Variants in CENPP observed in about 807,000 individuals in gnomAD.
CENPP encodes the protein centromere protein P.
In CENPP, 24 loss-of-function variants were observed where a neutral mutation model predicts 35.6. The observed-to-expected ratio is 0.67, with a 90% CI of 0.49 to 0.95. The LOEUF (loss-of-function observed/expected upper bound fraction) is 0.95. Among genes scored for constraint, CENPP ranks in the 40% least tolerant of loss-of-function variants. The pLI is 0.00. For missense variants in CENPP, 332 were observed against 345.3 expected (o/e 0.96, Z 0.31); for synonymous variants, 120 against 125.5 (o/e 0.96, Z 0.29).
chr9:92,566,663 G>T (rs929362201), intron 5 of CENPP, among the ~76,000 whole-genome samples: 2 of 152,188 alleles, frequency 1.3e-5, no homozygotes, highest in Non-Finnish European at 2.9e-5. Context: ...CAATGGAAAT[G>T]ATCAATTCTT....
Position 92,616,100 on chromosome 9 carries a change from T to A in CENPP, c.*2951T>A. Reference sequence around the variant, plus strand: ...CATTTCAGGATACACAAGCCCCCCATTCATTTCCCTCCCTCCCGTTCTCTC... The same window carrying A: ...CATTTCAGGATACACAAGCCCCCCAATCATTTCCCTCCCTCCCGTTCTCTC... On this transcript the variant is annotated 3_prime_UTR_variant, in exon 8 of 8. Coordinates refer to ENST00000375587, the MANE Select transcript of CENPP (RefSeq NM_001012267.3). 3.0e-6 allele frequency: 4 copies of A among 1,355,906 alleles called. No homozygotes were observed. Among genetic ancestry groups the A allele is most frequent in the Non-Finnish European group, 4.2e-6 (4 of 960,044 alleles). The allele number at this position is 1,355,906 out of a possible 1,614,324, so 84.0% of individuals were successfully genotyped here.
chr9:92,479,558 C>T (rs1588166569), intron 5 of CENPP, among the ~76,000 whole-genome samples: 1 of 152,106 alleles, frequency 6.6e-6, no homozygotes, highest in African/African-American at 2.4e-5. Context: ...ATCCACCCTG[C>T]TTGAATAGCT....
At chr9:92,596,332 T>C (rs114502095) in intron 5 of CENPP, among the ~76,000 whole-genome samples, 5,777 of 150,348 alleles carry the variant, frequency 0.038, 153 homozygotes, top group Middle Eastern at 0.078. Context: ...GGTCTCACTA[T>C]GTTGCCCAGA....
intron 5 of CENPP, among the ~76,000 whole-genome samples, chr9:92,435,489 T>C (rs769096527): frequency 5.9e-5 from 9 of 152,128 alleles, no homozygotes; most frequent in South Asian, 2.1e-4. Context: ...GATATTGAGG[T>C]TGAGATAGTA....
intron 5 of CENPP, chr9:92,417,468 A>G (rs903563537): frequency 6.2e-7 from 1 of 1,613,992 alleles, no homozygotes; most frequent in Middle Eastern, 1.7e-4. Context: ...TCTTGGTCAT[A>G]GTCTTCATCC....
chr9:92,511,886 G>A, intron 5 of CENPP: 1 of 636,036 alleles, frequency 1.6e-6, no homozygotes, highest in South Asian at 2.2e-5. Context: ...CATCAGAGAG[G>A]AAACTTTCTT....
At chr9:92,548,412 C>CAATTAGGG (rs1849518365) in intron 5 of CENPP, among the ~76,000 whole-genome samples, 1 of 152,138 alleles carries the variant, frequency 6.6e-6, no homozygotes, top group Non-Finnish European at 1.5e-5. Flanking sequence ...GTGAGAGTCC[C>CAATTAGGG]AATTAGGGGG....
chr9:92,539,775 A>G (rs1319828245), intron 5 of CENPP, among the ~76,000 whole-genome samples: 3 of 152,180 alleles, frequency 2.0e-5, no homozygotes, highest in African/African-American at 7.2e-5. Flanking sequence ...AGCTGAACTT[A>G]CTTTCCCAAT....
chr9:92,568,841 A>G (rs1385454891), intron 5 of CENPP, among the ~76,000 whole-genome samples: 1 of 152,174 alleles, frequency 6.6e-6, no homozygotes, highest in Non-Finnish European at 1.5e-5. Flanking sequence ...GCCAGTGATG[A>G]TGAGCATTTT....
Position 92,618,433 on chromosome 9 carries a change from G to A in CENPP, c.*5284G>A, listed in dbSNP as rs1377058075. ...AAGAGATTCCCAGGTGCTAGACGAG[G>A]TGAGTAACATGTCTGTCCTTCAGCG... On this transcript the variant is annotated 3_prime_UTR_variant, in exon 8 of 8. Coordinates refer to ENST00000375587, the MANE Select transcript of CENPP (RefSeq NM_001012267.3). 2.2e-6 allele frequency: 1 copy of A among 456,692 alleles called. No homozygotes were observed. Among genetic ancestry groups the A allele is most frequent in the South Asian group, 1.5e-5 (1 of 64,566 alleles). 28.3% of individuals were successfully genotyped at this position (456,692 alleles called of 1,614,324 possible). A position where few individuals can be genotyped will look rare whatever the true frequency, so the allele number is the denominator to read the frequency against.
At chr9:92,337,954 A>G (rs1293060966) in intron 3 of CENPP, among the ~76,000 whole-genome samples, 1 of 152,194 alleles carries the variant, frequency 6.6e-6, no homozygotes, top group East Asian at 1.9e-4. Context: ...TATGCCAGCC[A>G]TCTAATATCT....
At chr9:92,482,541 G>A (rs956490535) in intron 5 of CENPP, 2 of 152,070 alleles carry the variant, frequency 1.3e-5, no homozygotes, top group Non-Finnish European at 2.9e-5. Flanking sequence ...CTGCTCATGT[G>A]TTTTCCATCA....
intron 5 of CENPP, among the ~76,000 whole-genome samples, chr9:92,408,281 G>T (rs1417896829): frequency 6.6e-6 from 1 of 152,114 alleles, no homozygotes; most frequent in South Asian, 2.1e-4. Context: ...CGCCTCCCGG[G>T]TTTAAGCAAT....
At chr9:92,392,806 A>C (rs1465544098) in intron 5 of CENPP, among the ~76,000 whole-genome samples, 1 of 152,164 alleles carries the variant, frequency 6.6e-6, no homozygotes, top group Non-Finnish European at 1.5e-5. Context: ...GAAGCAAGGG[A>C]TCTTGAAGTA....
chr9:92,428,993 C>A (rs1564315764), intron 5 of CENPP, among the ~76,000 whole-genome samples: 1 of 152,020 alleles, frequency 6.6e-6, no homozygotes. Flanking sequence ...TTAGCTAACT[C>A]TTATCTTTAA....
chr9:92,327,870 CT>C (rs1840615723), intron 1 of CENPP, among the ~76,000 whole-genome samples: 1 of 152,156 alleles, frequency 6.6e-6, no homozygotes, highest in South Asian at 2.1e-4. Context: ...TGACTTAACC[CT>C]TGCCTGGCAT....
At chr9:92,340,041 A>G (rs1360062806) in intron 3 of CENPP, 1 of 153,770 alleles carries the variant, frequency 6.5e-6, no homozygotes. Context: ...GTCCACTACC[A>G]TCTCCGAAAA....
chr9:92,472,207 A>G (rs1216191371), intron 5 of CENPP, among the ~76,000 whole-genome samples: 4 of 152,050 alleles, frequency 2.6e-5, no homozygotes, highest in Non-Finnish European at 5.9e-5. Context: ...GAATACAAAA[A>G]TTAGCTGGGC....
At chr9:92,383,263 C>T (rs868495892) in intron 5 of CENPP, among the ~76,000 whole-genome samples, 1 of 152,058 alleles carries the variant, frequency 6.6e-6, no homozygotes, top group African/African-American at 2.4e-5. Flanking sequence ...AGTCTTCTAT[C>T]TTTATTCTTA....
Sources: allele counts gnomAD v4.1 joint callset (sites outside exome capture counted in the v4.1 genomes callset), GRCh38; gene constraint gnomAD v4.1.1; transcripts MANE v1.5; gene names NCBI Gene and HGNC (gene_info 2026-07-23, HGNC 2026-07-21).